FCRL5: variants seen among roughly 807,000 people sequenced by gnomAD.
FCRL5 encodes the protein Fc receptor-like protein 5.
A neutral mutation model predicts 92.1 loss-of-function variants in FCRL5; 79 were observed. The ratio of observed to expected loss-of-function variants is 0.86; its 90% CI spans 0.72 to 1.03. The LOEUF (loss-of-function observed/expected upper bound fraction) is 1.03. Ranked by LOEUF, FCRL5 falls within the 50% of genes least tolerant of loss-of-function variation. The pLI is 0.00. For synonymous variants in FCRL5, 466 were observed against 469.3 expected, an observed-to-expected ratio of 0.99 and a Z score of 0.09; for missense variants, 1,160 against 1,181.1, an observed-to-expected ratio of 0.98 and a Z score of 0.26.
At chr1:157,538,969 T>A (rs1328054751) in intron 7 of FCRL5, 117 bp downstream of exon 7, 2 of 1,135,010 alleles carry the variant, frequency 1.8e-6, no homozygotes, top group Non-Finnish European at 2.5e-6. Flanking sequence ...AGGAGGATAT[T>A]AGGTTGTTTC....
intron 5 of FCRL5, 118 bp from the exon 6 acceptor site, chr1:157,543,255 C>G: frequency 1.0e-6 from 1 of 959,620 alleles, no homozygotes. Context: ...GCCATCAGAA[C>G]CACACACCCT....
rs560596738 is a variant in FCRL5 at position 157,534,761 on chromosome 1, T to G, written c.1534A>C (p.Met512Leu). ...QILYQFYHED[M>L]PLWSSSTPSV... ...GGTGTTGAGCTGCTCCACAGGGGCA[T>G]GTCCTCATGATAAAACTGGTATAGG... The change falls in exon 8 of 17, where the codon ATG becomes CTG. Residue 512 changes from methionine (M) to leucine (L), a missense_variant. Transcript: ENST00000361835. 6.2e-7 allele frequency: 1 copy of G among 1,614,162 alleles called. No individual in the cohort carries two copies. The highest frequency in any genetic ancestry group is 1.3e-5 in the African/African-American group (1 of 75,062).
At position 157,530,469 on chromosome 1, in the gene FCRL5, C is replaced by G. The variant is rs11802319; in HGVS notation, c.1682-2574G>C. ...ACAACCTCCGCCATCCGGGTTGAAG[C>G]GATTCTCCTGCCTCAGCCTCCTGAA... On this transcript the variant is annotated intron_variant, in intron 8 of 16. Transcript: ENST00000361835. 1.9e-4 allele frequency among the ~76,000 whole-genome samples: 29 copies of G among 152,246 alleles called. 1 individual carries two copies. In the Middle Eastern group the frequency reaches 0.024, roughly 125 times the overall value.
intron 8 of FCRL5, 171 bp from the exon 9 acceptor site, chr1:157,528,066 C>T (rs1650519745): frequency 1.5e-6 from 1 of 681,850 alleles, no homozygotes; most frequent in African/African-American, 1.8e-5. Context: ...ACCTAGGAAA[C>T]CCTAAAGACT....
At chr1:157,518,636 T>G in intron 14 of FCRL5, 64 bp downstream of exon 14, 1 of 1,516,384 alleles carries the variant, frequency 6.6e-7, no homozygotes, top group Non-Finnish European at 9.1e-7. Flanking sequence ...CCCCATCTCC[T>G]GCCCCACCGC....
In FCRL5 at chr1:157,527,624, A is replaced by G. The variant is rs1334949847; in HGVS notation, c.1953T>C (p.Ser651=). Residue 651 remains serine, a synonymous_variant, in exon 9 of 17, where the codon AGT becomes AGC. Coordinates refer to ENST00000361835, the MANE Select transcript of FCRL5 (RefSeq NM_031281.3). ...CTGGTTAGGTCAACTTACCTATAAC[A>G]CTGAGTGATATTGTGTCACTGTGCT... ...VAQHSDTISL[S]VIVPVSRPIL... is the part of the protein sequence containing the mutation. The G allele has an allele frequency of 6.2e-7, 1 of 1,605,104 alleles. No individual in the cohort carries two copies. The highest frequency in any genetic ancestry group is 1.1e-5 in the South Asian group (1 of 89,590).
rs114239146 is a variant in FCRL5 at position 157,526,683 on chromosome 1, A to G, written c.1960+934T>C. ...AAAGGACAGATGAGTTATTGGGTGGATACAGAGCTAGACACTCAATTTGGT... is the reference window on the plus strand; with the variant it reads ...AAAGGACAGATGAGTTATTGGGTGGGTACAGAGCTAGACACTCAATTTGGT... On this transcript the variant is annotated intron_variant, in intron 9 of 16. Transcript: ENST00000361835. 7.3e-3 allele frequency among the ~76,000 whole-genome samples: 1,113 copies of G among 152,238 alleles called. 16 individuals carry two copies. The highest frequency in any genetic ancestry group is 0.026 in the African/African-American group (1,072 of 41,546).
intron 7 of FCRL5, among the ~76,000 whole-genome samples, chr1:157,537,704 G>A (rs2151163): frequency 6.6e-6 from 1 of 152,002 alleles, no homozygotes; most frequent in African/African-American, 2.4e-5. Flanking sequence ...ATGTGATGTC[G>A]CCCCCGGACA....
chr1:157,519,424 C>T (rs1390541317), intron 13 of FCRL5, among the ~76,000 whole-genome samples: 2 of 152,196 alleles, frequency 1.3e-5, no homozygotes, highest in African/African-American at 4.8e-5. Context: ...GAGCTAAGGT[C>T]ATCTCAAGAT....
chr1:157,522,963 A>G (rs570793592), intron 10 of FCRL5, among the ~76,000 whole-genome samples: 6 of 152,288 alleles, frequency 3.9e-5, no homozygotes, highest in Admixed American at 6.5e-5. Context: ...GCCCCTGCAA[A>G]TCTCAGGAAA....
intron 6 of FCRL5, among the ~76,000 whole-genome samples, chr1:157,541,341 G>A (rs73011579): frequency 0.081 from 12,304 of 152,204 alleles, 1,337 homozygotes; most frequent in African/African-American, 0.24. Flanking sequence ...TTCTCACTGT[G>A]CTGCTGGAGT....
rs777379244 is a variant in FCRL5 at position 157,542,972 on chromosome 1, C to T, written c.1010G>A (p.Arg337Lys). The change falls in exon 6 of 17, where the codon AGG becomes AAG. Residue 337 changes from arginine (R) to lysine (K), a missense_variant. Arg to Lys is a conservative substitution (Grantham distance 26). Transcript: ENST00000361835. ...CAGTGAGAAGCTGATGGATGCTCCC[C>T]TTTCACAGCGGACTGACTTGTGCCT... ...PLRHKSVRCE[R>K]GASISFSLTT... is the part of the protein sequence containing the mutation. 2 of 1,614,256 alleles carry T rather than the reference C, an allele frequency of 1.2e-6. No homozygotes were observed. Among genetic ancestry groups the T allele is most frequent in the East Asian group, 4.5e-5 (2 of 44,896 alleles).
At chr1:157,518,981 G>C in intron 13 of FCRL5, 199 bp from the exon 14 acceptor site, 1 of 471,074 alleles carries the variant, frequency 2.1e-6, no homozygotes, top group Non-Finnish European at 3.7e-6. Context: ...TGGTCATCTA[G>C]TGTGTAACAG....
rs1649824618 is a variant in FCRL5 at position 157,514,124 on chromosome 1, C to T, written c.*1551G>A. On this transcript the variant is annotated 3_prime_UTR_variant, in exon 17 of 17. Transcript: ENST00000361835. The stretch of plus-strand genomic sequence containing the variant: ...CCCTGACACTTGGAAGCATGAAAAG[C>T]CATGGTTCAGGTGGAGTGAGCTTCC... The T allele has an allele frequency of 6.6e-6, 1 of 152,170 alleles. No individual in the cohort carries two copies. Among genetic ancestry groups the T allele is most frequent in the Non-Finnish European group, 1.5e-5 (1 of 68,046 alleles). The allele number at this position is 152,170 out of a possible 1,614,324, so 9.4% of individuals were successfully genotyped here. A position where few individuals can be genotyped will look rare whatever the true frequency, so the allele number is the denominator to read the frequency against.
chr1:157,539,074 C>T lies in FCRL5; in HGVS notation c.1402+12G>A, dbSNP rs765418801. ...GCCAGGGGTGGGTGATTGGCAGGAA[C>T]CCAGGGCTTACCAGTGACGGAGAGG... On this transcript the variant is annotated intron_variant, in intron 7 of 16. Coordinates refer to ENST00000361835, the MANE Select transcript of FCRL5 (RefSeq NM_031281.3). 3.7e-6 allele frequency: 6 copies of T among 1,610,094 alleles called. No individual in the cohort carries two copies. In the Admixed American group the frequency reaches 6.7e-5, roughly 18 times the overall value.
At chr1:157,543,405 C>A (rs1651366096) in intron 5 of FCRL5, among the ~76,000 whole-genome samples, 1 of 152,198 alleles carries the variant, frequency 6.6e-6, no homozygotes, top group African/African-American at 2.4e-5. Context: ...GATTTATTTG[C>A]CATTGCTAGT....
At position 157,544,302 on chromosome 1, in the gene FCRL5, G is replaced by T. The variant is rs148506545; in HGVS notation, c.804C>A (p.Ser268Arg). 1 of 1,614,100 alleles carries T rather than the reference G, an allele frequency of 6.2e-7. No homozygotes were observed. Among genetic ancestry groups the T allele is most frequent in the South Asian group, 1.1e-5 (1 of 91,082 alleles). The change falls in exon 5 of 17, where the codon AGC becomes AGA. Residue 268 changes from serine (S) to arginine (R), a missense_variant. By Grantham distance (110) the Ser-to-Arg change is moderately radical (BLOSUM62 -1). Transcript: ENST00000361835. ...AGGATCTCGGGCTGTCAGATATGAC[G>T]CTGTAAGGCATTGTTGCTGCCTTAC... ...YWCKAATMPY[S>R]VISDSPRSWI...
Position 157,515,646 on chromosome 1 carries a change from T to C in FCRL5, c.*29A>G. On this transcript the variant is annotated 3_prime_UTR_variant, in exon 17 of 17. Coordinates refer to ENST00000361835, the MANE Select transcript of FCRL5 (RefSeq NM_031281.3). ...AAGGGGAACTTTGGGGTGCAGAGGC[T>C]GAAACAGCAGTTGGAGAGACGTGTG... The C allele has an allele frequency of 2.5e-6, 4 of 1,614,132 alleles. No individual in the cohort carries two copies. In the South Asian group the frequency reaches 4.4e-5, roughly 18 times the overall value.
rs1382659282 is a variant in FCRL5 at position 157,544,366 on chromosome 1, A to C, written c.740T>G (p.Ile247Ser). The C allele has an allele frequency of 6.2e-7, 1 of 1,614,058 alleles. No homozygotes were observed. Among genetic ancestry groups the C allele is most frequent in the Non-Finnish European group, 8.5e-7 (1 of 1,180,042 alleles). Residue 247 changes from isoleucine (I) to serine (S), a missense_variant, in exon 5 of 17, where the codon ATT becomes AGT. By Grantham distance (142) the Ile-to-Ser change is moderately radical. Coordinates refer to ENST00000361835, the MANE Select transcript of FCRL5 (RefSeq NM_031281.3). ...TGAATCTTTACTCCACATGGCAGTA[A>C]TCTGGAAATTCGGGGAGAGACTCCA... ...LGWSLSPNFQITAMWSKDSGF... is the reference protein window; with the variant it reads ...LGWSLSPNFQSTAMWSKDSGF...
Sources: gnomAD v4.1 joint callset for allele counts (sites outside exome capture counted in the v4.1 genomes callset) on GRCh38, gnomAD v4.1.1 for gene constraint, MANE v1.5 for transcripts, NCBI Gene and HGNC (gene_info 2026-07-23, HGNC 2026-07-21) for gene names.